DPP6: variants seen among roughly 807,000 people sequenced by gnomAD.
The protein encoded by DPP6 is A-type potassium channel modulatory protein DPP6.
A neutral mutation model predicts 122.6 loss-of-function variants in DPP6; 69 were observed. The observed-to-expected ratio is 0.56, with a 90% CI of 0.46 to 0.69. The LOEUF (loss-of-function observed/expected upper bound fraction) is 0.69. Ranked by LOEUF, DPP6 falls within the 30% of genes least tolerant of loss-of-function variation. The pLI, the probability that DPP6 is intolerant of heterozygous loss-of-function variation, is 0.00. For synonymous variants in DPP6, 418 were observed against 433.1 expected, an observed-to-expected ratio of 0.97 and a Z score of 0.43; for missense variants, 928 against 1,116.9, an observed-to-expected ratio of 0.83 and a Z score of 2.41.
chr7:153,807,355 A>G, the DPP6 span, among the ~76,000 whole-genome samples: 1 of 151,688 alleles, frequency 6.6e-6, no homozygotes, highest in Non-Finnish European at 1.5e-5. Flanking sequence ...GTGAGCCGAG[A>G]TCGTGCCACA....
In DPP6 at chr7:154,760,980, G is replaced by T. The variant is rs371482022; in HGVS notation, c.884-8437G>T. Among the ~76,000 whole-genome samples, 1 of 151,846 alleles carries T rather than the reference G, an allele frequency of 6.6e-6. No homozygotes were observed. The highest frequency in any genetic ancestry group is 2.4e-5 in the African/African-American group (1 of 41,310). On this transcript the variant is annotated intron_variant, in intron 8 of 25. Coordinates refer to ENST00000377770, the MANE Select transcript of DPP6 (RefSeq NM_130797.4). The surrounding 1 kb of genome is among the most constrained non-coding windows in gnomAD (Gnocchi z 4.5). ...CTCCCGGATAGCTGGGACTACAGGC[G>T]CCTGCCACCATGCCCGGCTAATTTT... is the stretch of plus-strand genomic sequence containing the variant.
At chr7:153,867,284 G>T in the DPP6 span, among the ~76,000 whole-genome samples, 1 of 151,926 alleles carries the variant, frequency 6.6e-6, no homozygotes, top group Non-Finnish European at 1.5e-5. Flanking sequence ...ACCCATGAGC[G>T]TGGAATGTTC....
At chr7:154,778,475 G>A (rs893368407) in intron 10 of DPP6, among the ~76,000 whole-genome samples, 2 of 151,866 alleles carry the variant, frequency 1.3e-5, no homozygotes, top group African/African-American at 4.8e-5. Flanking sequence ...GTATGTGCAC[G>A]AGTTTTGGGA....
In DPP6 at chr7:154,127,624, CACACACACAGACACACACACACACACAG is replaced by C. The variant is rs1290347034; in HGVS notation, c.243+74571_243+74598del. On this transcript the variant is annotated intron_variant, in intron 1 of 25. Coordinates refer to ENST00000377770, the MANE Select transcript of DPP6 (RefSeq NM_130797.4). ...ACACACACACACACACACACACACA[CACACACACAGACACACACACACACACAG>C]ACACACACACACACACACACACACA... Among the ~76,000 whole-genome samples, 35 of 122,030 alleles carry C rather than the reference CACACACACAGACACACACACACACACAG, an allele frequency of 2.9e-4. 1 individual carries two copies. The highest frequency in any genetic ancestry group is 1.3e-3 in the African/African-American group (34 of 26,380). The allele number at this position is 122,030 out of a possible 152,430, so 80.1% of individuals were successfully genotyped here.
intron 4 of DPP6, among the ~76,000 whole-genome samples, chr7:154,566,554 G>A (rs1343302876): frequency 2.6e-5 from 4 of 151,978 alleles, no homozygotes; most frequent in African/African-American, 9.7e-5. Flanking sequence ...GCCTCCCAAA[G>A]TGCTGGGATT....
At chr7:153,926,632 C>T (rs984628016) in intron 1 of DPP6, among the ~76,000 whole-genome samples, 1 of 151,980 alleles carries the variant, frequency 6.6e-6, no homozygotes, top group Non-Finnish European at 1.5e-5. Flanking sequence ...CATTTTATCT[C>T]CCTGATCTCC....
At chr7:154,344,524 G>A (rs4464876) in intron 1 of DPP6, among the ~76,000 whole-genome samples, 11,035 of 152,138 alleles carry the variant, frequency 0.073, 1,234 homozygotes, top group African/African-American at 0.24. Context: ...TTAACAAACT[G>A]AAAATTGAGC....
intron 1 of DPP6, among the ~76,000 whole-genome samples, chr7:154,315,108 G>A (rs191765638): frequency 4.9e-4 from 75 of 152,298 alleles, no homozygotes; most frequent in African/African-American, 1.6e-3. Flanking sequence ...GGATGTTACC[G>A]TTGTGTATCT....
the DPP6 span, among the ~76,000 whole-genome samples, chr7:153,769,013 G>T: frequency 7.2e-5 from 11 of 152,180 alleles, no homozygotes; most frequent in African/African-American, 2.6e-4. Context: ...AGTAAATAAG[G>T]TTCTTCTTCA....
At chr7:153,892,280 A>C in intron 1 of DPP6, among the ~76,000 whole-genome samples, 1 of 152,060 alleles carries the variant, frequency 6.6e-6, no homozygotes, top group East Asian at 1.9e-4. Context: ...GTTTTTAGAT[A>C]AGTCATGAGA....
intron 3 of DPP6, among the ~76,000 whole-genome samples, chr7:154,504,206 T>A (rs1039532171): frequency 6.6e-6 from 1 of 152,194 alleles, no homozygotes; most frequent in African/African-American, 2.4e-5. Flanking sequence ...GTGCTATTTT[T>A]AGCTAGCTGG....
intron 1 of DPP6, among the ~76,000 whole-genome samples, chr7:153,899,551 T>G (rs1799555145): frequency 6.6e-6 from 1 of 152,226 alleles, no homozygotes; most frequent in South Asian, 2.1e-4. Context: ...TATGTGGACT[T>G]ACTTGAAAAA....
At chr7:154,726,759 C>T (rs976164836) in intron 7 of DPP6, among the ~76,000 whole-genome samples, 6 of 152,182 alleles carry the variant, frequency 3.9e-5, no homozygotes, top group South Asian at 4.1e-4. Context: ...ACCACATAGT[C>T]GGACTGCAAA....
At chr7:154,256,810 G>A (rs1802683647) in intron 1 of DPP6, among the ~76,000 whole-genome samples, 2 of 152,100 alleles carry the variant, frequency 1.3e-5, no homozygotes, top group African/African-American at 4.8e-5. Flanking sequence ...GCAAGGTTTT[G>A]TGCATTTCAG....
chr7:154,077,244 G>T (rs867890460), intron 1 of DPP6, among the ~76,000 whole-genome samples: 6 of 152,222 alleles, frequency 3.9e-5, no homozygotes, highest in Middle Eastern at 3.4e-3. Flanking sequence ...AGTTGGATGG[G>T]TTATAAAATA....
chr7:154,674,277 A>T (rs1029651439), intron 7 of DPP6, among the ~76,000 whole-genome samples: 1 of 152,146 alleles, frequency 6.6e-6, no homozygotes, highest in African/African-American at 2.4e-5. Context: ...GAATGTGATT[A>T]GTTGTCTGGT....
chr7:154,885,699 A>G lies in DPP6; in HGVS notation c.2200A>G (p.Thr734Ala). ...AKGENQGQTF[T>A]CGSALSPITD... ...GGGAGAAAATCAAGGCCAGACATTC[A>G]CCTGCGGCTCTGCTCTCTCTCCAAT... is the stretch of plus-strand genomic sequence containing the variant. The change falls in exon 22 of 26, where the codon ACC becomes GCC. Residue 734 changes from threonine to alanine, a missense_variant. Coordinates refer to ENST00000377770, the MANE Select transcript of DPP6 (RefSeq NM_130797.4). The G allele has an allele frequency of 6.3e-7, 1 of 1,599,412 alleles. No individual in the cohort carries two copies. Among genetic ancestry groups the G allele is most frequent in the Non-Finnish European group, 8.5e-7 (1 of 1,173,112 alleles).
intron 3 of DPP6, among the ~76,000 whole-genome samples, chr7:154,484,686 C>G (rs539473876): frequency 6.6e-6 from 1 of 152,370 alleles, no homozygotes; most frequent in Non-Finnish European, 1.5e-5. Flanking sequence ...GCACCAGCAT[C>G]TCTCCACTGT....
rs1806806024 is a variant in DPP6, at chr7:154,893,472, A to AC, written c.*992_*993insC. Reference sequence around the variant, plus strand: ...TGGTTTAAAAAAAAAAAAAAAAAAAAAAAAAAAACAGAAAAAAGACAAAGC... The same window carrying AC: ...TGGTTTAAAAAAAAAAAAAAAAAAAACAAAAAAAACAGAAAAAAGACAAAGC... On this transcript the variant is annotated 3_prime_UTR_variant, in exon 26 of 26. Coordinates refer to ENST00000377770, the MANE Select transcript of DPP6 (RefSeq NM_130797.4). 2 of 143,478 alleles carry AC rather than the reference A, an allele frequency of 1.4e-5. No individual in the cohort carries two copies. The highest frequency in any genetic ancestry group is 2.6e-5 in the African/African-American group (1 of 38,266). 8.9% of individuals were successfully genotyped at this position (143,478 alleles called of 1,614,324 possible).
Sources: gnomAD v4.1 joint callset for allele counts (sites outside exome capture counted in the v4.1 genomes callset) on GRCh38, gnomAD v4.1.1 for gene constraint, Gnocchi (gnomAD v3.1) non-coding constraint, MANE v1.5 for transcripts, NCBI Gene and HGNC (gene_info 2026-07-23, HGNC 2026-07-21) for gene names.